The following TBC1D19 variants were observed in gnomAD, a reference collection of about 807,000 sequenced individuals.
TBC1D19 encodes the protein TBC1 domain family member 19.
In TBC1D19, 60 loss-of-function variants were observed where a neutral mutation model predicts 89.0. The ratio of observed to expected loss-of-function variants is 0.67; its 90% CI spans 0.55 to 0.84. The LOEUF is 0.84. Among genes scored for constraint, TBC1D19 ranks in the 40% least tolerant of loss-of-function variants. The pLI is 0.00. For missense variants in TBC1D19, 500 were observed against 610.8 expected, an observed-to-expected ratio of 0.82 and a Z score of 1.91; for synonymous variants, 189 against 199.7, an observed-to-expected ratio of 0.95 and a Z score of 0.45.
chr4:26,623,046 T>G (rs1742161466), intron 4 of TBC1D19, among the ~76,000 whole-genome samples: 1 of 152,172 alleles, frequency 6.6e-6, no homozygotes, highest in South Asian at 2.1e-4. Context: ...CTATATTTGT[T>G]CTTTTTGAGA....
chr4:26,694,638 T>A (rs1714603421), intron 13 of TBC1D19, among the ~76,000 whole-genome samples: 1 of 152,084 alleles, frequency 6.6e-6, no homozygotes. Context: ...CTGGGAGTCA[T>A]CCCCCAGTAG....
chr4:26,784,477 A>T, the TBC1D19 span, among the ~76,000 whole-genome samples: 1 of 152,134 alleles, frequency 6.6e-6, no homozygotes, highest in South Asian at 2.1e-4. Flanking sequence ...CTGGAGCCCA[A>T]CCTCAGATCT....
the TBC1D19 span, among the ~76,000 whole-genome samples, chr4:26,827,487 C>G: frequency 9.1e-4 from 138 of 152,172 alleles, no homozygotes; most frequent in Non-Finnish European, 1.6e-3. Flanking sequence ...GCCTGCAGTT[C>G]CAACTACGCA....
At chr4:26,747,536 G>T (rs1418672491) in intron 18 of TBC1D19, among the ~76,000 whole-genome samples, 1 of 152,092 alleles carries the variant, frequency 6.6e-6, no homozygotes, top group African/African-American at 2.4e-5. Flanking sequence ...CAACCTCTGG[G>T]TCCTTTTCTG....
chr4:26,738,434 A>G (rs1458408402), intron 16 of TBC1D19, among the ~76,000 whole-genome samples: 1 of 151,820 alleles, frequency 6.6e-6, no homozygotes, highest in African/African-American at 2.4e-5. Flanking sequence ...TAATAATACC[A>G]TATATTTGTA....
the TBC1D19 span, among the ~76,000 whole-genome samples, chr4:26,765,449 AG>A: frequency 9.4e-5 from 8 of 85,524 alleles, no homozygotes; most frequent in African/African-American, 3.8e-4. Flanking sequence ...CCAAAGAGGT[AG>A]GGGGGGATGG....
intron 13 of TBC1D19, among the ~76,000 whole-genome samples, chr4:26,699,445 G>T (rs1715117014): frequency 6.6e-6 from 1 of 152,212 alleles, no homozygotes; most frequent in South Asian, 2.1e-4. Flanking sequence ...CATTGTGGAA[G>T]ATAGTGTGGC....
At chr4:26,769,272 A>G in the TBC1D19 span, among the ~76,000 whole-genome samples, 3 of 152,088 alleles carry the variant, frequency 2.0e-5, no homozygotes, top group Admixed American at 2.0e-4. Flanking sequence ...GCCAGCAGAC[A>G]TGCCTCGAAA....
intron 3 of TBC1D19, 146 bp downstream of exon 3, chr4:26,614,599 A>G (rs1741565044): frequency 2.0e-6 from 1 of 510,252 alleles, no homozygotes; most frequent in African/African-American, 2.0e-5. Flanking sequence ...TGATACAATT[A>G]AAAATTACTA....
At chr4:26,607,278 C>T (rs372153167) in intron 1 of TBC1D19, among the ~76,000 whole-genome samples, 3 of 152,098 alleles carry the variant, frequency 2.0e-5, no homozygotes, top group East Asian at 1.9e-4. Flanking sequence ...TTTGAAAAGC[C>T]GCTACTTCTA....
At chr4:26,849,481 C>T in the TBC1D19 span, among the ~76,000 whole-genome samples, 9 of 152,252 alleles carry the variant, frequency 5.9e-5, no homozygotes, top group East Asian at 1.5e-3. Flanking sequence ...TCTAAGAAAT[C>T]TTCCCTAGTG....
chr4:26,651,405 G>A (rs572911366), intron 7 of TBC1D19, among the ~76,000 whole-genome samples: 1 of 152,254 alleles, frequency 6.6e-6, no homozygotes, highest in Admixed American at 6.5e-5. Context: ...GCAGTGGTTT[G>A]TAGTTCTCCT....
chr4:26,816,116 G>A, the TBC1D19 span, among the ~76,000 whole-genome samples: 1 of 152,188 alleles, frequency 6.6e-6, no homozygotes, highest in Admixed American at 6.5e-5. Flanking sequence ...TGCCATTGTA[G>A]TTCAAAGGCA....
chr4:26,618,763 A>G (rs1157430534), intron 3 of TBC1D19, among the ~76,000 whole-genome samples: 1 of 152,232 alleles, frequency 6.6e-6, no homozygotes, highest in Non-Finnish European at 1.5e-5. Flanking sequence ...GAATAGGTTG[A>G]AAACAGTCTG....
At chr4:26,842,588 CTTTCTTT>C in the TBC1D19 span, among the ~76,000 whole-genome samples, 3,966 of 104,704 alleles carry the variant, frequency 0.038, 151 homozygotes, top group Non-Finnish European at 0.049. Flanking sequence ...CCCTCCCTTT[CTTTCTTT>C]CTTTCTTTCT....
chr4:26,824,328 G>A, the TBC1D19 span, among the ~76,000 whole-genome samples: 1 of 152,230 alleles, frequency 6.6e-6, no homozygotes. Context: ...GACAACTGCA[G>A]CTGGATTTTC....
chr4:26,577,250 T>C (rs1305539780), intron 1 of TBC1D19, among the ~76,000 whole-genome samples: 1 of 152,126 alleles, frequency 6.6e-6, no homozygotes, highest in African/African-American at 2.4e-5. Flanking sequence ...CCCAGTCACA[T>C]GAGCCAAATC....
chr4:26,590,075 A>G (rs1454391987), intron 1 of TBC1D19, among the ~76,000 whole-genome samples: 7 of 152,158 alleles, frequency 4.6e-5, no homozygotes, highest in East Asian at 1.9e-4. Flanking sequence ...CATCTTGTCT[A>G]TGATAGTTAA....
At chr4:26,673,693 C>T (rs951298001) in intron 10 of TBC1D19, 83 bp from the exon 11 acceptor site, 6 of 878,452 alleles carry the variant, frequency 6.8e-6, no homozygotes, top group Non-Finnish European at 9.3e-6. Flanking sequence ...ATATCAGCTT[C>T]CCAAAAGATT....
Sources: allele counts gnomAD v4.1 joint callset (sites outside exome capture counted in the v4.1 genomes callset), GRCh38; gene constraint gnomAD v4.1.1; transcripts MANE v1.5; gene names NCBI Gene and HGNC (gene_info 2026-07-23, HGNC 2026-07-21).